LDLRAD4: variants seen among roughly 807,000 people sequenced by gnomAD.
LDLRAD4 encodes low density lipoprotein receptor class A domain containing 4, also known as low-density lipoprotein receptor class A domain-containing protein 4.
Under a neutral mutation model 17.0 loss-of-function variants are expected in LDLRAD4, and 5 were observed. That is an observed-to-expected ratio of 0.29 (90% CI 0.15 to 0.62). The LOEUF (loss-of-function observed/expected upper bound fraction) is 0.62. Among genes scored for constraint, LDLRAD4 ranks in the 20% least tolerant of loss-of-function variants. The pLI is 0.84. For synonymous variants in LDLRAD4, 168 were observed against 171.8 expected (o/e 0.98, Z 0.17); for missense variants, 340 against 424.7 (o/e 0.80, Z 1.75).
chr18:13,452,472 G>A (rs1467758915), intron 3 of LDLRAD4, among the ~76,000 whole-genome samples: 3 of 152,134 alleles, frequency 2.0e-5, no homozygotes, highest in Non-Finnish European at 4.4e-5. Flanking sequence ...AAGTCTCTGC[G>A]AGGGTAGGAT....
intron 3 of LDLRAD4, among the ~76,000 whole-genome samples, chr18:13,444,020 T>C (rs1186915935): frequency 2.0e-5 from 3 of 152,240 alleles, no homozygotes; most frequent in Non-Finnish European, 2.9e-5. Context: ...AACCAAATTC[T>C]GTCCTTTTTT....
intron 3 of LDLRAD4, among the ~76,000 whole-genome samples, chr18:13,572,120 G>A (rs1157856779): frequency 6.6e-6 from 1 of 152,184 alleles, no homozygotes; most frequent in Non-Finnish European, 1.5e-5. Flanking sequence ...CAAAGTTGAA[G>A]GAAACAGCGT....
At chr18:13,589,359 G>A (rs1361641665) in intron 3 of LDLRAD4, among the ~76,000 whole-genome samples, 2 of 152,192 alleles carry the variant, frequency 1.3e-5, no homozygotes, top group Non-Finnish European at 2.9e-5. Context: ...TGTGTACATG[G>A]GGCCCCATGG....
chr18:13,384,124 C>G (rs1482405165), intron 1 of LDLRAD4, among the ~76,000 whole-genome samples: 1 of 152,154 alleles, frequency 6.6e-6, no homozygotes, highest in East Asian at 1.9e-4. Context: ...TCCAACCTCT[C>G]TTTTAGAAGA....
intron 1 of LDLRAD4, among the ~76,000 whole-genome samples, chr18:13,341,770 T>A (rs1400726966): frequency 6.6e-6 from 1 of 152,192 alleles, no homozygotes; most frequent in Non-Finnish European, 1.5e-5. Flanking sequence ...TGTACTGTGT[T>A]GAATAGAAAT....
chr18:13,621,239 C>G lies in LDLRAD4; in HGVS notation c.304C>G (p.Gln102Glu). ...GCGGTCCTTCATCAACCGCCCGAAC[C>G]AGAGCCGGAGGCGGGAGGACGGGCT... The change falls in exon 4 of 6, where the codon CAG (glutamine) becomes GAG (glutamate). Residue 102 changes from glutamine (Q) to glutamate (E), a missense_variant. Gln to Glu is a conservative substitution (Grantham distance 29). Transcript: ENST00000359446. The surrounding 1 kb of genome is among the most constrained non-coding windows in gnomAD (Gnocchi z 5.5). 1 of 1,613,712 alleles carries G rather than the reference C, an allele frequency of 6.2e-7. No homozygotes were observed. The highest frequency in any genetic ancestry group is 8.5e-7 in the Non-Finnish European group (1 of 1,179,980).
intron 1 of LDLRAD4, among the ~76,000 whole-genome samples, chr18:13,280,618 G>A (rs982500455): frequency 1.3e-5 from 2 of 152,218 alleles, no homozygotes; most frequent in African/African-American, 4.8e-5. Context: ...GCACTGGGGT[G>A]TGGGCAAAGA....
At chr18:13,249,217 G>A (rs1361663290) in intron 1 of LDLRAD4, among the ~76,000 whole-genome samples, 2 of 152,220 alleles carry the variant, frequency 1.3e-5, no homozygotes, top group Admixed American at 1.3e-4. Context: ...ATGTGGAGGT[G>A]CAGGTGTCTC....
chr18:13,627,843 G>A (rs898010679), intron 4 of LDLRAD4, among the ~76,000 whole-genome samples: 3 of 152,234 alleles, frequency 2.0e-5, no homozygotes, highest in Admixed American at 6.5e-5. Context: ...GAGCAGCGGT[G>A]GCCAGAGGGC....
chr18:13,582,259 A>G (rs1456371899), intron 3 of LDLRAD4, among the ~76,000 whole-genome samples: 1 of 152,268 alleles, frequency 6.6e-6, no homozygotes, highest in Non-Finnish European at 1.5e-5. Context: ...TGAATGGCCT[A>G]AAAGGGCAAG....
At chr18:13,564,008 T>A (rs2094567677) in intron 3 of LDLRAD4, among the ~76,000 whole-genome samples, 1 of 152,194 alleles carries the variant, frequency 6.6e-6, no homozygotes, top group Non-Finnish European at 1.5e-5. Flanking sequence ...TGAGCTCAAG[T>A]GGTCCTCCCA....
chr18:13,298,689 C>T (rs201128169), intron 1 of LDLRAD4, among the ~76,000 whole-genome samples: 2 of 128,334 alleles, frequency 1.6e-5, no homozygotes, highest in South Asian at 2.6e-4. Flanking sequence ...GTGATGTTGC[C>T]GCTTTGGGCA....
intron 1 of LDLRAD4, among the ~76,000 whole-genome samples, chr18:13,346,401 T>G (rs1209862880): frequency 6.6e-6 from 1 of 152,256 alleles, no homozygotes; most frequent in Non-Finnish European, 1.5e-5. Flanking sequence ...GTGAGTTTCT[T>G]AATCCTGAGT....
intron 1 of LDLRAD4, among the ~76,000 whole-genome samples, chr18:13,357,251 A>T (rs2083400406): frequency 6.6e-6 from 1 of 152,142 alleles, no homozygotes; most frequent in African/African-American, 2.4e-5. Context: ...AGTTTAATTA[A>T]TTAATTAATT....
intron 1 of LDLRAD4, among the ~76,000 whole-genome samples, chr18:13,386,800 C>T (rs888027149): frequency 6.6e-6 from 1 of 152,110 alleles, no homozygotes; most frequent in Admixed American, 6.6e-5. Flanking sequence ...GCCTATAATC[C>T]TAGCACTTTG....
At chr18:13,424,804 A>G (rs752490121) in intron 2 of LDLRAD4, among the ~76,000 whole-genome samples, 15 of 152,342 alleles carry the variant, frequency 9.8e-5, no homozygotes, top group Middle Eastern at 3.4e-3. Context: ...AAGCCATGGT[A>G]TGCCTGAGAG....
chr18:13,402,095 A>T (rs1183935378), intron 2 of LDLRAD4, among the ~76,000 whole-genome samples: 1 of 152,228 alleles, frequency 6.6e-6, no homozygotes, highest in Non-Finnish European at 1.5e-5. Context: ...TGCACTTTTC[A>T]TGATATTTCA....
intron 1 of LDLRAD4, among the ~76,000 whole-genome samples, chr18:13,229,803 C>T (rs891769493): frequency 3.3e-5 from 5 of 152,124 alleles, no homozygotes; most frequent in African/African-American, 4.8e-5. Flanking sequence ...ATGGCTTTGT[C>T]GCCAAACTGG....
chr18:13,220,517 G>A (rs989576875), intron 1 of LDLRAD4, among the ~76,000 whole-genome samples: 3 of 152,166 alleles, frequency 2.0e-5, no homozygotes, highest in Admixed American at 6.5e-5. Flanking sequence ...GGGATTTTGT[G>A]CCAATTTGTT....
Sources: allele counts gnomAD v4.1 joint callset (sites outside exome capture counted in the v4.1 genomes callset), GRCh38; gene constraint gnomAD v4.1.1; non-coding constraint Gnocchi (gnomAD v3.1); transcripts MANE v1.5; gene names NCBI Gene and HGNC (gene_info 2026-07-23, HGNC 2026-07-21).